Variants in DNAH7 observed in about 807,000 individuals in gnomAD.
DNAH7 encodes dynein axonemal heavy chain 7, also known as axonemal beta dynein heavy chain 7.
In DNAH7, 397 loss-of-function variants were observed where a neutral mutation model predicts 444.6. The observed-to-expected ratio is 0.89, with a 90% CI of 0.82 to 0.97. DNAH7 has a LOEUF of 0.97. DNAH7 is among the 50% of genes least tolerant of loss of function. The pLI, the probability that DNAH7 is intolerant of heterozygous loss-of-function variation, is 0.00. For synonymous variants in DNAH7, 1,636 were observed against 1,624.4 expected (o/e 1.01, Z -0.17); for missense variants, 4,902 against 4,800.8 (o/e 1.02, Z -0.62).
Position 195,799,480 on chromosome 2 carries a change from G to C in DNAH7, c.10177-8C>G, listed in dbSNP as rs576279215. 6.3e-7 allele frequency: 1 copy of C among 1,577,006 alleles called. No homozygotes were observed. The highest frequency in any genetic ancestry group is 2.3e-5 in the East Asian group (1 of 43,492). On this transcript the variant is annotated splice_region_variant and splice_polypyrimidine_tract_variant and intron_variant, in intron 54 of 64. Coordinates refer to ENST00000312428, the MANE Select transcript of DNAH7 (RefSeq NM_018897.3). The stretch of plus-strand genomic sequence containing the variant: ...CTGCAACATTGGAATAACCTAGAAA[G>C]AGACAAGGATATAGTTGGAAGAATA...
chr2:195,778,552 G>C (rs1246229660), intron 58 of DNAH7, among the ~76,000 whole-genome samples: 3 of 143,622 alleles, frequency 2.1e-5, no homozygotes, highest in African/African-American at 7.8e-5. Context: ...TAGGAGGATC[G>C]AAGCTGCAGT....
chr2:195,771,535 A>T (rs907691587), intron 61 of DNAH7, 125 bp downstream of exon 61: 6 of 704,024 alleles, frequency 8.5e-6, no homozygotes, highest in African/African-American at 5.4e-5. Context: ...ATTATTTTCT[A>T]ATCTTATTTA....
chr2:196,021,280 C>T (rs1486028608), intron 8 of DNAH7, among the ~76,000 whole-genome samples: 1 of 152,070 alleles, frequency 6.6e-6, no homozygotes, highest in East Asian at 1.9e-4. Flanking sequence ...AGTCATCTAC[C>T]TATCGATCCA....
intron 60 of DNAH7, among the ~76,000 whole-genome samples, chr2:195,775,128 C>T (rs1466271278): frequency 3.9e-5 from 6 of 152,118 alleles, no homozygotes; most frequent in African/African-American, 1.4e-4. Context: ...TGTGATAAAC[C>T]CAATCTATCT....
intron 20 of DNAH7, 22 bp downstream of exon 20, chr2:195,936,577 A>T (rs969408771): frequency 3.9e-6 from 6 of 1,544,286 alleles, no homozygotes; most frequent in Non-Finnish European, 5.2e-6. Context: ...TTAGTCATGT[A>T]TTCTACATGT....
chr2:195,871,705 G>GTTCAAAGTGA (rs1188129437), intron 40 of DNAH7, among the ~76,000 whole-genome samples: 1 of 86,914 alleles, frequency 1.2e-5, no homozygotes, highest in African/African-American at 1.3e-4. Context: ...TTAAGGGAAG[G>GTTCAAAGTGA]CGGATCACGA....
intron 10 of DNAH7, among the ~76,000 whole-genome samples, chr2:196,009,618 G>C (rs1269112872): frequency 6.6e-6 from 1 of 152,128 alleles, no homozygotes; most frequent in East Asian, 1.9e-4. Flanking sequence ...AAGATGTGTT[G>C]AGGAATACCT....
At chr2:195,947,560 T>C (rs1474107880) in intron 19 of DNAH7, among the ~76,000 whole-genome samples, 2 of 152,178 alleles carry the variant, frequency 1.3e-5, no homozygotes, top group South Asian at 4.1e-4. Context: ...TTTCTGTTCC[T>C]GTGTTAGTTT....
At chr2:195,842,483 G>A (rs1371384551) in intron 47 of DNAH7, among the ~76,000 whole-genome samples, 1 of 152,080 alleles carries the variant, frequency 6.6e-6, no homozygotes, top group African/African-American at 2.4e-5. Flanking sequence ...CACAGGTAAA[G>A]AAGATACTTA....
chr2:195,815,386 C>T (rs960438870), intron 51 of DNAH7, among the ~76,000 whole-genome samples: 4 of 152,108 alleles, frequency 2.6e-5, no homozygotes, highest in African/African-American at 9.7e-5. Flanking sequence ...GTCGGACTCA[C>T]ACCTTTATTA....
In DNAH7 at chr2:195,960,430, C is replaced by A. The variant is rs1243667781; in HGVS notation, c.2721G>T (p.Lys907Asn). 2 of 1,614,208 alleles carry A rather than the reference C, an allele frequency of 1.2e-6. No individual in the cohort carries two copies. The highest frequency in any genetic ancestry group is 1.7e-6 in the Non-Finnish European group (2 of 1,180,020). Residue 907 changes from lysine to asparagine, a missense_variant, in exon 18 of 65, where the codon AAG becomes AAT. Lys to Asn is a moderately conservative substitution (Grantham distance 94). Coordinates refer to ENST00000312428, the MANE Select transcript of DNAH7 (RefSeq NM_018897.3). ...KEYSLEKAME[K>N]MITEWDAVEF... ...CCACTGCATCCCACTCAGTAATCAT[C>A]TTCTCCATCGCCTTTTCAAGAGAAT...
intron 60 of DNAH7, among the ~76,000 whole-genome samples, chr2:195,774,861 T>C (rs1694994159): frequency 6.6e-6 from 1 of 152,232 alleles, no homozygotes; most frequent in South Asian, 2.1e-4. Context: ...ATTCAGTTAA[T>C]AGGATAATTT....
intron 45 of DNAH7, among the ~76,000 whole-genome samples, chr2:195,854,696 C>T (rs1314626401): frequency 6.6e-6 from 1 of 152,038 alleles, no homozygotes; most frequent in Admixed American, 6.6e-5. Flanking sequence ...AATTTTACCT[C>T]CAAAAGCACA....
intron 59 of DNAH7, among the ~76,000 whole-genome samples, chr2:195,776,627 T>G (rs1308687542): frequency 1.4e-5 from 2 of 147,698 alleles, no homozygotes; most frequent in Non-Finnish European, 3.0e-5. Flanking sequence ...AATAAAAATA[T>G]TTTTTTTCTG....
intron 20 of DNAH7, among the ~76,000 whole-genome samples, chr2:195,935,202 T>G (rs1688966725): frequency 6.6e-6 from 1 of 152,210 alleles, no homozygotes; most frequent in African/African-American, 2.4e-5. Context: ...AGAGACTGCT[T>G]GAAAATTGTG....
rs370283335 is a variant in DNAH7 at position 195,895,179 on chromosome 2, C to G, written c.4693G>C (p.Asp1565His). ...LFPGVKLPKP[D>H]YNDLLAAIKD... ...ATAGCTGCCAGCAAATCATTGTAATCTGGTTTTGGTAATTTTACCCCAGGA... is the reference window on the plus strand; with the variant it reads ...ATAGCTGCCAGCAAATCATTGTAATGTGGTTTTGGTAATTTTACCCCAGGA... The change falls in exon 30 of 65, where the codon GAT (aspartate) becomes CAT (histidine). Residue 1565 changes from aspartate (D) to histidine (H), a missense_variant. By Grantham distance (81) the Asp-to-His change is moderately conservative (BLOSUM62 -1). Coordinates refer to ENST00000312428, the MANE Select transcript of DNAH7 (RefSeq NM_018897.3). 1.5e-5 allele frequency: 24 copies of G among 1,612,046 alleles called. No individual in the cohort carries two copies. The highest frequency in any genetic ancestry group is 2.0e-5 in the Non-Finnish European group (24 of 1,178,706).
intron 19 of DNAH7, among the ~76,000 whole-genome samples, chr2:195,940,380 G>C (rs1006441807): frequency 1.3e-5 from 2 of 152,068 alleles, no homozygotes; most frequent in African/African-American, 2.4e-5. Context: ...ACTCAAGATT[G>C]GTTAAAGACT....
At chr2:195,747,256 G>A (rs1437449014) in intron 63 of DNAH7, among the ~76,000 whole-genome samples, 1 of 152,144 alleles carries the variant, frequency 6.6e-6, no homozygotes, top group Non-Finnish European at 1.5e-5. Context: ...TAGAAGAAAT[G>A]GATAAATTCC....
At chr2:195,870,206 C>T (rs1428061784) in intron 40 of DNAH7, among the ~76,000 whole-genome samples, 1 of 152,158 alleles carries the variant, frequency 6.6e-6, no homozygotes, top group Non-Finnish European at 1.5e-5. Flanking sequence ...AATATAACTG[C>T]TATTCTCATA....
Sources: gnomAD v4.1 joint callset for allele counts (sites outside exome capture counted in the v4.1 genomes callset) on GRCh38, gnomAD v4.1.1 for gene constraint, MANE v1.5 for transcripts, NCBI Gene and HGNC (gene_info 2026-07-23, HGNC 2026-07-21) for gene names.